Variants in FOXJ3 observed in about 807,000 individuals in gnomAD.
The protein encoded by FOXJ3 is forkhead box protein J3.
FOXJ3 carries 22 observed loss-of-function variants against 76.1 expected under a neutral mutation model. The observed-to-expected ratio is 0.29, with a 90% CI of 0.21 to 0.41. The LOEUF is 0.41. FOXJ3 is among the 10% of genes least tolerant of loss of function. FOXJ3 has a pLI of 1.00. For missense variants in FOXJ3, 613 were observed against 762.1 expected (o/e 0.80, Z 2.30); for synonymous variants, 269 against 261.2 (o/e 1.03, Z -0.29).
At chr1:42,334,335 C>A (rs1256369299) in intron 1 of FOXJ3, among the ~76,000 whole-genome samples, 5 of 152,210 alleles carry the variant, frequency 3.3e-5, no homozygotes, top group Admixed American at 3.3e-4. Context: ...GACCCTAACA[C>A]CTTCCACGCC....
At chr1:42,260,656 G>C (rs1208679641) in intron 4 of FOXJ3, among the ~76,000 whole-genome samples, 1 of 152,108 alleles carries the variant, frequency 6.6e-6, no homozygotes, top group African/African-American at 2.4e-5. Flanking sequence ...AAAAGGGCAA[G>C]ATCCTGTCTC....
intron 4 of FOXJ3, among the ~76,000 whole-genome samples, chr1:42,231,864 T>A (rs1174677223): frequency 1.3e-5 from 2 of 152,170 alleles, no homozygotes; most frequent in African/African-American, 2.4e-5. Context: ...ATGTTACATA[T>A]GTATACATGT....
chr1:42,332,800 G>GC (rs1265129836), intron 1 of FOXJ3, among the ~76,000 whole-genome samples: 1 of 151,986 alleles, frequency 6.6e-6, no homozygotes, highest in African/African-American at 2.4e-5. Context: ...CTTTGCACAG[G>GC]CCCCTTCACT....
At chr1:42,279,401 A>C (rs1374990773) in intron 2 of FOXJ3, among the ~76,000 whole-genome samples, 3 of 152,222 alleles carry the variant, frequency 2.0e-5, no homozygotes, top group Non-Finnish European at 2.9e-5. Flanking sequence ...AAACTAACTG[A>C]AATTGTGGGA....
At chr1:42,276,504 T>C (rs1013362138) in intron 3 of FOXJ3, among the ~76,000 whole-genome samples, 2 of 152,188 alleles carry the variant, frequency 1.3e-5, no homozygotes, top group African/African-American at 4.8e-5. Context: ...AATGGGGTTC[T>C]TGGAAACCGC....
At chr1:42,268,859 T>C (rs979413297) in intron 3 of FOXJ3, among the ~76,000 whole-genome samples, 2 of 152,246 alleles carry the variant, frequency 1.3e-5, no homozygotes, top group Admixed American at 1.3e-4. Context: ...GATTAGGTTA[T>C]GAAGGGTGTC....
rs1388746210 is a variant in FOXJ3, at chr1:42,176,634, C to A, written c.*3076G>T. ...AATCCTAATGACACTTGGAATATTT[C>A]TTTACAGCACTAAACAGTTACAAAT... On this transcript the variant is annotated 3_prime_UTR_variant, in exon 13 of 13. Transcript: ENST00000361346. The A allele has an allele frequency of 6.6e-6, 1 of 152,618 alleles. No individual in the cohort carries two copies. Among genetic ancestry groups the A allele is most frequent in the East Asian group, 1.9e-4 (1 of 5,198 alleles). The allele number at this position is 152,618 out of a possible 1,614,324, so 9.5% of individuals were successfully genotyped here.
At chr1:42,222,497 T>G (rs1352733568) in intron 5 of FOXJ3, among the ~76,000 whole-genome samples, 2 of 152,186 alleles carry the variant, frequency 1.3e-5, no homozygotes, top group Non-Finnish European at 2.9e-5. Flanking sequence ...CTTCCCTGCT[T>G]GAGTGAGGAG....
In FOXJ3 at chr1:42,300,158, C is replaced by T. The variant is rs1435124023; in HGVS notation, c.44+10892G>A. Among the ~76,000 whole-genome samples, 4 of 152,014 alleles carry T rather than the reference C, an allele frequency of 2.6e-5. No homozygotes were observed. In the East Asian group the frequency reaches 7.7e-4, roughly 29 times the overall value. ...GAGGCTGCAGTGAGCCGAGATCGTG[C>T]CACTACACTCCAGCCTGGGTAATGG... On this transcript the variant is annotated intron_variant, in intron 2 of 12. Coordinates refer to ENST00000361346, the MANE Select transcript of FOXJ3 (RefSeq NM_014947.5).
chr1:42,182,566 C>T (rs1005837663), intron 11 of FOXJ3, among the ~76,000 whole-genome samples: 4 of 152,172 alleles, frequency 2.6e-5, no homozygotes, highest in African/African-American at 9.7e-5. Flanking sequence ...GGCGCAATCT[C>T]GGCTCACTGC....
intron 3 of FOXJ3, among the ~76,000 whole-genome samples, chr1:42,277,314 T>C (rs1652339112): frequency 6.6e-6 from 1 of 151,106 alleles, no homozygotes; most frequent in Admixed American, 6.6e-5. Context: ...CATGGTGGCG[T>C]GCTCAGGCAC....
rs1030605048 is a variant in FOXJ3, at chr1:42,302,421, C to A, written c.44+8629G>T. Among the ~76,000 whole-genome samples the A allele has an allele frequency of 2.0e-5, 3 of 152,250 alleles. No homozygotes were observed. The South Asian group carries it at 6.2e-4, about 32-fold the overall frequency. On this transcript the variant is annotated intron_variant, in intron 2 of 12. Transcript: ENST00000361346. ...CTGAGCTCCCTGCCCAGCCCTGGAG[C>A]AGGAGACCAAGACAGGTGGGTCCAG...
At chr1:42,274,175 T>C (rs946323353) in intron 3 of FOXJ3, among the ~76,000 whole-genome samples, 3 of 152,202 alleles carry the variant, frequency 2.0e-5, no homozygotes, top group African/African-American at 7.2e-5. Context: ...AGGCTAAATA[T>C]TGACAAAGAA....
chr1:42,207,551 A>C (rs577631272), intron 5 of FOXJ3, among the ~76,000 whole-genome samples: 1 of 152,344 alleles, frequency 6.6e-6, no homozygotes, highest in Admixed American at 6.5e-5. Context: ...AAACAGAAGT[A>C]ATTTATGATT....
chr1:42,194,015 C>T (rs746612472), intron 8 of FOXJ3, among the ~76,000 whole-genome samples: 1 of 152,198 alleles, frequency 6.6e-6, no homozygotes, highest in Non-Finnish European at 1.5e-5. Flanking sequence ...CCTCGCCAGA[C>T]ACCATATCTG....
Position 42,182,022 on chromosome 1 carries a change from T to G in FOXJ3, c.1648A>C (p.Asn550His). Residue 550 changes from asparagine (N) to histidine (H), a missense_variant and splice_region_variant, in exon 12 of 13, where the codon AAT (asparagine) becomes CAT (histidine). Coordinates refer to ENST00000361346, the MANE Select transcript of FOXJ3 (RefSeq NM_014947.5). ...TKPSQHIGTG[N>H]LYIDSRQNLP... ...TTTTGCCTAGAATCTATGTACAAATTTCCTAATCAGATTAAAAGCAGAAAG... is the reference window on the plus strand; with the variant it reads ...TTTTGCCTAGAATCTATGTACAAATGTCCTAATCAGATTAAAAGCAGAAAG... The G allele has an allele frequency of 6.3e-7, 1 of 1,590,448 alleles. No homozygotes were observed. Among genetic ancestry groups the G allele is most frequent in the South Asian group, 1.1e-5 (1 of 89,574 alleles).
At chr1:42,316,296 G>GTACC (rs1392910092) in intron 1 of FOXJ3, among the ~76,000 whole-genome samples, 1 of 140,292 alleles carries the variant, frequency 7.1e-6, no homozygotes, top group Non-Finnish European at 1.5e-5. Context: ...AGCCTTCCTA[G>GTACC]TACCTGGGAC....
At position 42,317,285 on chromosome 1, in the gene FOXJ3, A is replaced by C. The variant is rs188032343; in HGVS notation, c.-17-6175T>G. 2.8e-4 allele frequency among the ~76,000 whole-genome samples: 42 copies of C among 152,250 alleles called. No individual in the cohort carries two copies. The East Asian group carries it at 8.1e-3, about 29-fold the overall frequency. On this transcript the variant is annotated intron_variant, in intron 1 of 12. Transcript: ENST00000361346. ...CACAAAAATAATCTGTATCCTAATC[A>C]ACCCAAATAGAAGAACTGTGCCAGA...
intron 1 of FOXJ3, among the ~76,000 whole-genome samples, chr1:42,316,482 C>T (rs1655118596): frequency 6.6e-6 from 1 of 151,838 alleles, no homozygotes; most frequent in African/African-American, 2.4e-5. Flanking sequence ...GAAATACTTA[C>T]GAGCTCTCTC....
Sources: allele counts gnomAD v4.1 joint callset (sites outside exome capture counted in the v4.1 genomes callset), GRCh38; gene constraint gnomAD v4.1.1; transcripts MANE v1.5; gene names NCBI Gene and HGNC (gene_info 2026-07-23, HGNC 2026-07-21).